MYO3B: variants seen among roughly 807,000 people sequenced by gnomAD.
MYO3B encodes the protein myosin IIIB.
MYO3B carries 156 observed loss-of-function variants against 174.6 expected under a neutral mutation model. That is an observed-to-expected ratio of 0.89 (90% CI 0.78 to 1.02). The LOEUF (loss-of-function observed/expected upper bound fraction) is 1.02, where lower values mean the gene tolerates loss of function less well. Among genes scored for constraint, MYO3B ranks in the 50% least tolerant of loss-of-function variants. The pLI, the probability that MYO3B is intolerant of heterozygous loss-of-function variation, is 0.00. For missense variants in MYO3B, 1,632 were observed against 1,639.4 expected, an observed-to-expected ratio of 1.00 and a Z score of 0.08; for synonymous variants, 563 against 569.1, an observed-to-expected ratio of 0.99 and a Z score of 0.15.
intron 8 of MYO3B, among the ~76,000 whole-genome samples, chr2:170,358,156 A>AAAAAAAAC (rs2094136657): frequency 6.6e-6 from 1 of 152,028 alleles, no homozygotes; most frequent in South Asian, 2.1e-4. Context: ...CCTTCTCAAA[A>AAAAAAAAC]AAAAAAACAA....
At chr2:170,244,674 A>C (rs1040689717) in intron 7 of MYO3B, among the ~76,000 whole-genome samples, 3 of 152,172 alleles carry the variant, frequency 2.0e-5, no homozygotes, top group African/African-American at 4.8e-5. Context: ...TAATTACTAA[A>C]ATTTTTTTCA....
intron 7 of MYO3B, among the ~76,000 whole-genome samples, chr2:170,251,581 C>T (rs1361106053): frequency 6.6e-6 from 1 of 152,112 alleles, no homozygotes. Context: ...AATTTAGACA[C>T]AGAGACAGAC....
intron 19 of MYO3B, among the ~76,000 whole-genome samples, chr2:170,403,737 A>G (rs1193033558): frequency 6.6e-6 from 1 of 152,220 alleles, no homozygotes; most frequent in Non-Finnish European, 1.5e-5. Flanking sequence ...CATTTAGTGA[A>G]AATACCAGCA....
chr2:170,199,708 T>A (rs2092640248), intron 2 of MYO3B, among the ~76,000 whole-genome samples: 2 of 152,218 alleles, frequency 1.3e-5, no homozygotes, highest in Admixed American at 1.3e-4. Context: ...ACTTGTGATA[T>A]TCAATCATCT....
At chr2:170,309,313 T>C (rs1229682195) in intron 7 of MYO3B, among the ~76,000 whole-genome samples, 1 of 152,194 alleles carries the variant, frequency 6.6e-6, no homozygotes, top group Non-Finnish European at 1.5e-5. Flanking sequence ...GTCAAAACTA[T>C]TACTGATAAA....
intron 30 of MYO3B, among the ~76,000 whole-genome samples, chr2:170,527,621 A>G (rs773590496): frequency 1.3e-5 from 2 of 152,184 alleles, no homozygotes; most frequent in Non-Finnish European, 2.9e-5. Context: ...GCAGAGCACC[A>G]TCTAGGTAGA....
At chr2:170,544,844 A>C (rs2106209183) in intron 32 of MYO3B, among the ~76,000 whole-genome samples, 1 of 152,328 alleles carries the variant, frequency 6.6e-6, no homozygotes, top group Admixed American at 6.5e-5. Context: ...TAAACCCGAC[A>C]AAGGAAATAT....
intron 7 of MYO3B, chr2:170,334,278 A>C (rs1293300761): frequency 6.6e-6 from 1 of 152,252 alleles, no homozygotes; most frequent in African/African-American, 2.4e-5. Context: ...GGAACTCAAG[A>C]AATTGTAATC....
intron 28 of MYO3B, among the ~76,000 whole-genome samples, chr2:170,510,581 T>G (rs1235642329): frequency 6.6e-6 from 1 of 151,878 alleles, no homozygotes; most frequent in Non-Finnish European, 1.5e-5. Flanking sequence ...GAAACAGGAT[T>G]TTTGCAGATG....
At chr2:170,486,819 A>G (rs779744554) in intron 25 of MYO3B, among the ~76,000 whole-genome samples, 3 of 152,172 alleles carry the variant, frequency 2.0e-5, no homozygotes, top group Non-Finnish European at 2.9e-5. Flanking sequence ...GATCACCATC[A>G]TGTCCTTCAT....
At chr2:170,464,810 A>T (rs915695229) in intron 24 of MYO3B, among the ~76,000 whole-genome samples, 1 of 151,838 alleles carries the variant, frequency 6.6e-6, no homozygotes, top group Non-Finnish European at 1.5e-5. Context: ...CTCTATCCTC[A>T]TCTGTTAGTC....
At position 170,293,036 on chromosome 2, in the gene MYO3B, T is replaced by C. The variant is rs1000533568; in HGVS notation, c.750-42349T>C. Among the ~76,000 whole-genome samples the C allele has an allele frequency of 2.0e-5, 3 of 152,272 alleles. No homozygotes were observed. In the South Asian group the frequency reaches 6.2e-4, roughly 32 times the overall value. ...TCCACACACTTGTTGCAGGGCACCA[T>C]GAGGGGGAGAGGCCTCAAGGATTTG... is the stretch of plus-strand genomic sequence containing the variant. On this transcript the variant is annotated intron_variant, in intron 7 of 34. Coordinates refer to ENST00000408978, the MANE Select transcript of MYO3B (RefSeq NM_138995.5).
chr2:170,236,968 T>C (rs867633344), intron 7 of MYO3B, among the ~76,000 whole-genome samples: 1 of 152,182 alleles, frequency 6.6e-6, no homozygotes, highest in African/African-American at 2.4e-5. Context: ...TGATTGCAAT[T>C]TGCATTTCTG....
chr2:170,458,102 A>G (rs1684013786), intron 23 of MYO3B, among the ~76,000 whole-genome samples: 3 of 152,220 alleles, frequency 2.0e-5, no homozygotes, highest in South Asian at 4.1e-4. Context: ...TAACATAGTT[A>G]TTTACTATCA....
chr2:170,213,488 CA>C (rs2092794864), intron 3 of MYO3B, among the ~76,000 whole-genome samples: 1 of 152,186 alleles, frequency 6.6e-6, no homozygotes, highest in South Asian at 2.1e-4. Context: ...CCGGTTAGGT[CA>C]GGGGTCAATC....
At chr2:170,497,052 T>G (rs928870338) in intron 25 of MYO3B, among the ~76,000 whole-genome samples, 2 of 152,138 alleles carry the variant, frequency 1.3e-5, no homozygotes, top group African/African-American at 4.8e-5. Flanking sequence ...ACTGTAGCAT[T>G]TGAGAAAATA....
chr2:170,631,346 G>C (rs1164441291), intron 32 of MYO3B, among the ~76,000 whole-genome samples: 1 of 151,676 alleles, frequency 6.6e-6, no homozygotes, highest in Non-Finnish European at 1.5e-5. Context: ...GAGAAGTTTA[G>C]AGAAAAAAGA....
At chr2:170,307,632 T>A (rs1359927569) in intron 7 of MYO3B, among the ~76,000 whole-genome samples, 1 of 152,114 alleles carries the variant, frequency 6.6e-6, no homozygotes, top group Non-Finnish European at 1.5e-5. Context: ...GTTTCTTTAT[T>A]TTGCCCAGGA....
chr2:170,596,448 T>G (rs1280729804), intron 32 of MYO3B, among the ~76,000 whole-genome samples: 1 of 152,144 alleles, frequency 6.6e-6, no homozygotes, highest in Non-Finnish European at 1.5e-5. Context: ...TTTACCTGAG[T>G]TTATCTGGGC....
Sources: allele counts gnomAD v4.1 joint callset (sites outside exome capture counted in the v4.1 genomes callset), GRCh38; gene constraint gnomAD v4.1.1; transcripts MANE v1.5; gene names NCBI Gene and HGNC (gene_info 2026-07-23, HGNC 2026-07-21).